RGS8: variants seen among roughly 807,000 people sequenced by gnomAD.
RGS8 encodes the protein regulator of G-protein signaling 8.
Under a neutral mutation model 21.7 loss-of-function variants are expected in RGS8, and 8 were observed. The observed-to-expected ratio is 0.37, with a 90% CI of 0.22 to 0.66. RGS8 has a LOEUF of 0.66. Among genes scored for constraint, RGS8 ranks in the 30% least tolerant of loss-of-function variants. The probability of loss-of-function intolerance (pLI) is 0.59; values close to 1 mark genes in which losing one functional copy is unlikely to be tolerated. For missense variants in RGS8, 157 were observed against 217.9 expected (o/e 0.72, Z 1.76); for synonymous variants, 80 against 83.6 (o/e 0.96, Z 0.24).
chr1:182,671,574 G>A (rs1664157914), intron 2 of RGS8, 83 bp downstream of exon 3: 16 of 1,207,696 alleles, frequency 1.3e-5, no homozygotes, highest in South Asian at 1.1e-4. Flanking sequence ...TGCATGAAGA[G>A]GCAAGTTAAT....
chr1:182,648,080 A>G (rs1180036313), intron 6 of RGS8, 57 bp downstream of exon 7: 4 of 1,496,260 alleles, frequency 2.7e-6, no homozygotes, highest in Non-Finnish European at 3.6e-6. Flanking sequence ...CTCTCTGAGG[A>G]GAGAAATGCA....
At chr1:182,649,277 AAC>A (rs1433542616) in intron 5 of RGS8, among the ~76,000 whole-genome samples, 3 of 152,166 alleles carry the variant, frequency 2.0e-5, no homozygotes, top group Non-Finnish European at 4.4e-5. Context: ...ACCCTGAGGA[AAC>A]ACACAACTTG....
At chr1:182,728,812 A>G in the RGS8 span, among the ~76,000 whole-genome samples, 3 of 152,230 alleles carry the variant, frequency 2.0e-5, no homozygotes, top group African/African-American at 7.2e-5. Context: ...CAAGTTTACT[A>G]TTTAGAAATA....
At chr1:182,652,510 A>G (rs1222558427) in intron 5 of RGS8, among the ~76,000 whole-genome samples, 1 of 152,252 alleles carries the variant, frequency 6.6e-6, no homozygotes, top group East Asian at 1.9e-4. Flanking sequence ...CCGATTTCAC[A>G]TAGCTAACAA....
chr1:182,661,113 T>C (rs1026981539), intron 5 of RGS8, among the ~76,000 whole-genome samples: 6 of 151,612 alleles, frequency 4.0e-5, no homozygotes, highest in African/African-American at 1.5e-4. Context: ...TTCTGCTTGG[T>C]TGCTGTGTGA....
At chr1:182,748,318 T>C in the RGS8 span, among the ~76,000 whole-genome samples, 4 of 152,372 alleles carry the variant, frequency 2.6e-5, no homozygotes, top group South Asian at 4.1e-4. Context: ...CCAACTTCTA[T>C]GTGATAACTT....
chr1:182,733,403 A>C, the RGS8 span, among the ~76,000 whole-genome samples: 1 of 152,214 alleles, frequency 6.6e-6, no homozygotes, highest in Non-Finnish European at 1.5e-5. Context: ...TTACTGGTTG[A>C]CTGCTAGAAT....
At chr1:182,690,627 C>T in the RGS8 span, among the ~76,000 whole-genome samples, 1 of 152,194 alleles carries the variant, frequency 6.6e-6, no homozygotes, top group Non-Finnish European at 1.5e-5. Context: ...CAATTCTGTG[C>T]TTCATTTATA....
chr1:182,651,368 C>T (rs1260667845), intron 5 of RGS8, among the ~76,000 whole-genome samples: 1 of 152,212 alleles, frequency 6.6e-6, no homozygotes, highest in African/African-American at 2.4e-5. Flanking sequence ...GTGCTCAGAA[C>T]ACTTTTGGTA....
At chr1:182,703,050 C>T in the RGS8 span, among the ~76,000 whole-genome samples, 1 of 152,178 alleles carries the variant, frequency 6.6e-6, no homozygotes, top group East Asian at 1.9e-4. Context: ...GGAAGTTATC[C>T]TTTTTGAGTA....
intron 5 of RGS8, among the ~76,000 whole-genome samples, chr1:182,663,732 T>C (rs916368898): frequency 6.6e-6 from 1 of 152,116 alleles, no homozygotes; most frequent in African/African-American, 2.4e-5. Context: ...TCTCACTATG[T>C]TTCCCAAGCT....
chr1:182,677,483 A>G (rs2102453363), upstream of RGS8, among the ~76,000 whole-genome samples: 1 of 152,336 alleles, frequency 6.6e-6, no homozygotes, highest in Admixed American at 6.5e-5. Context: ...GCTATTTAAT[A>G]AGCTGTTTGG....
At chr1:182,721,038 T>TAC in the RGS8 span, among the ~76,000 whole-genome samples, 253 of 49,312 alleles carry the variant, frequency 5.1e-3, 13 homozygotes, top group Non-Finnish European at 6.7e-3. Flanking sequence ...TGTGTATATA[T>TAC]ACATATACAT....
the RGS8 span, among the ~76,000 whole-genome samples, chr1:182,694,539 G>A: frequency 3.5e-4 from 53 of 152,196 alleles, no homozygotes; most frequent in African/African-American, 1.3e-3. Context: ...GGGCACAGTG[G>A]CTTACGCCCG....
intron 1 of RGS8, among the ~76,000 whole-genome samples, chr1:182,678,184 T>C (rs1048053496): frequency 1.3e-5 from 2 of 152,206 alleles, no homozygotes; most frequent in Non-Finnish European, 2.9e-5. Flanking sequence ...TGATATGCTA[T>C]CATGAACAGC....
chr1:182,650,686 C>A (rs1306680963), intron 5 of RGS8, among the ~76,000 whole-genome samples: 1 of 152,144 alleles, frequency 6.6e-6, no homozygotes, highest in Non-Finnish European at 1.5e-5. Context: ...CATGGCAAAA[C>A]CCTATCTCTA....
At chr1:182,721,018 CATATATATGTGTGTATATAT>C in the RGS8 span, among the ~76,000 whole-genome samples, 38 of 79,842 alleles carry the variant, frequency 4.8e-4, 1 homozygote, top group African/African-American at 1.4e-3. Context: ...CATATATACA[CATATATATGTGTGTATATAT>C]ACATATACAT....
At chr1:182,710,868 CA>C in the RGS8 span, among the ~76,000 whole-genome samples, 1 of 152,148 alleles carries the variant, frequency 6.6e-6, no homozygotes, top group African/African-American at 2.4e-5. Context: ...CCTCTCATTG[CA>C]GCATTTTTCA....
chr1:182,688,309 T>C (rs1423081076), upstream of RGS8, among the ~76,000 whole-genome samples: 1 of 152,214 alleles, frequency 6.6e-6, no homozygotes, highest in Non-Finnish European at 1.5e-5. Context: ...CCCTCTGCAG[T>C]GCCTGTTACT....
Sources: allele counts gnomAD v4.1 joint callset (sites outside exome capture counted in the v4.1 genomes callset), GRCh38; gene constraint gnomAD v4.1.1; transcripts MANE v1.5; gene names NCBI Gene and HGNC (gene_info 2026-07-23, HGNC 2026-07-21).